Variants in SUMF1 observed in about 807,000 individuals in gnomAD.
SUMF1 encodes the protein formylglycine-generating enzyme.
A neutral mutation model predicts 47.6 loss-of-function variants in SUMF1; 48 were observed. The observed-to-expected ratio is 1.01, with a 90% CI of 0.80 to 1.28. The LOEUF is 1.28. Ranked by LOEUF, SUMF1 falls within the 50% of genes most tolerant of loss-of-function variation. The pLI, the probability that SUMF1 is intolerant of heterozygous loss-of-function variation, is 0.00. For missense variants in SUMF1, 571 were observed against 485.4 expected, an observed-to-expected ratio of 1.18 and a Z score of -1.66; for synonymous variants, 230 against 192.1, an observed-to-expected ratio of 1.20 and a Z score of -1.63.
chr3:4,169,834 G>C (rs1170057208), intron 8 of SUMF1, among the ~76,000 whole-genome samples: 8 of 152,158 alleles, frequency 5.3e-5, no homozygotes, highest in Non-Finnish European at 1.0e-4. Context: ...GGACTAGCTG[G>C]AGAGAGATGA....
chr3:4,418,324 A>G (rs1701785322), intron 4 of SUMF1, among the ~76,000 whole-genome samples, 192 bp from the exon 5 acceptor site: 1 of 152,208 alleles, frequency 6.6e-6, no homozygotes, highest in Non-Finnish European at 1.5e-5. Context: ...CCAGGCTCCC[A>G]AATGGGTTAC....
intron 6 of SUMF1, among the ~76,000 whole-genome samples, chr3:4,411,442 A>T (rs1384027711): frequency 1.3e-5 from 2 of 152,152 alleles, no homozygotes; most frequent in African/African-American, 4.8e-5. Context: ...TGTCCTCTCC[A>T]CAAGTTTCTG....
intron 8 of SUMF1, among the ~76,000 whole-genome samples, chr3:4,299,460 G>C (rs927677879): frequency 1.3e-5 from 2 of 152,236 alleles, no homozygotes; most frequent in Admixed American, 6.5e-5. Flanking sequence ...CCCTGTGGTA[G>C]ATGTTTCAAG....
At chr3:4,137,007 CTT>C (rs1180857953) in intron 8 of SUMF1, among the ~76,000 whole-genome samples, 1 of 152,082 alleles carries the variant, frequency 6.6e-6, no homozygotes, top group Non-Finnish European at 1.5e-5. Context: ...AATAGGAACA[CTT>C]TTACACTGTT....
intron 8 of SUMF1, chr3:4,313,296 A>C (rs1222497598): frequency 1.2e-6 from 2 of 1,613,886 alleles, no homozygotes; most frequent in East Asian, 4.5e-5. Flanking sequence ...TTCACTTACA[A>C]ACAAAATCCG....
intron 9 of SUMF1, among the ~76,000 whole-genome samples, chr3:4,063,073 T>A (rs1293625661): frequency 6.6e-6 from 1 of 152,118 alleles, no homozygotes; most frequent in Non-Finnish European, 1.5e-5. Context: ...GAAACAAGCA[T>A]TTATTGACAT....
At chr3:4,389,307 T>C (rs1212458658) in intron 7 of SUMF1, among the ~76,000 whole-genome samples, 1 of 151,750 alleles carries the variant, frequency 6.6e-6, no homozygotes, top group Non-Finnish European at 1.5e-5. Context: ...TGGTCACCAA[T>C]GGGAAATCCA....
intron 8 of SUMF1, chr3:4,317,126 A>T (rs1323422777): frequency 1.7e-5 from 27 of 1,545,152 alleles, no homozygotes; most frequent in Non-Finnish European, 2.4e-5. Context: ...AGCAGGATGC[A>T]GAAAATGCTT....
chr3:4,252,728 C>A (rs1032073042), intron 8 of SUMF1, among the ~76,000 whole-genome samples: 2 of 152,126 alleles, frequency 1.3e-5, no homozygotes, highest in Admixed American at 6.5e-5. Flanking sequence ...AAAATCCATT[C>A]TTTCACCAAG....
intron 8 of SUMF1, among the ~76,000 whole-genome samples, chr3:4,082,687 TTTTAA>T (rs1322685816): frequency 6.6e-6 from 1 of 152,116 alleles, no homozygotes; most frequent in Non-Finnish European, 1.5e-5. Context: ...ATTACCCATA[TTTTAA>T]TTGTGCAATA....
chr3:4,333,899 G>C (rs532965121), intron 8 of SUMF1, among the ~76,000 whole-genome samples: 3 of 151,904 alleles, frequency 2.0e-5, no homozygotes, highest in Admixed American at 6.6e-5. Flanking sequence ...AGGCTGGGGT[G>C]GGGGGACTGC....
chr3:4,167,860 C>G (rs1055161664), intron 8 of SUMF1, among the ~76,000 whole-genome samples: 2 of 152,168 alleles, frequency 1.3e-5, no homozygotes, highest in African/African-American at 4.8e-5. Context: ...GAGCAGGCAT[C>G]TCTTTGTCAC....
intron 8 of SUMF1, among the ~76,000 whole-genome samples, chr3:4,162,795 T>C (rs565136502): frequency 2.0e-5 from 3 of 152,256 alleles, no homozygotes; most frequent in South Asian, 2.1e-4. Flanking sequence ...ACCTGATTTT[T>C]TGTTCTTATG....
At chr3:4,358,751 C>T (rs1381641225), downstream of SUMF1, among the ~76,000 whole-genome samples, 3 of 152,214 alleles carry the variant, frequency 2.0e-5, no homozygotes, top group Non-Finnish European at 4.4e-5. Flanking sequence ...TGCAAAGACA[C>T]TGCCCACCTT....
intron 1 of SUMF1, among the ~76,000 whole-genome samples, chr3:4,458,068 C>T (rs2079711258): frequency 6.6e-6 from 1 of 152,064 alleles, no homozygotes; most frequent in Non-Finnish European, 1.5e-5. Flanking sequence ...TAAAAATGGG[C>T]AAAGGACCCG....
At chr3:4,143,171 G>T (rs552434532) in intron 8 of SUMF1, among the ~76,000 whole-genome samples, 1 of 152,236 alleles carries the variant, frequency 6.6e-6, no homozygotes, top group South Asian at 2.1e-4. Flanking sequence ...TGCTGGGAAA[G>T]GTGCTGAACA....
chr3:4,175,500 CA>C (rs1055697379), intron 8 of SUMF1, among the ~76,000 whole-genome samples: 4 of 152,040 alleles, frequency 2.6e-5, no homozygotes, highest in African/African-American at 9.7e-5. Flanking sequence ...TCAACATCAA[CA>C]AAAAGGTCAT....
intron 8 of SUMF1, among the ~76,000 whole-genome samples, chr3:4,081,239 A>G (rs1275927083): frequency 1.3e-5 from 2 of 152,150 alleles, no homozygotes; most frequent in East Asian, 3.9e-4. Flanking sequence ...AGCCAGGACC[A>G]GAACCCAATT....
intron 8 of SUMF1, among the ~76,000 whole-genome samples, chr3:4,167,853 C>T (rs1279232212): frequency 6.6e-6 from 1 of 152,164 alleles, no homozygotes; most frequent in Admixed American, 6.5e-5. Flanking sequence ...GAAGATAGAG[C>T]AGGCATCTCT....
Sources: allele counts gnomAD v4.1 joint callset (sites outside exome capture counted in the v4.1 genomes callset), GRCh38; gene constraint gnomAD v4.1.1; transcripts MANE v1.5; gene names NCBI Gene and HGNC (gene_info 2026-07-23, HGNC 2026-07-21).